PKP2: variants seen among roughly 807,000 people sequenced by gnomAD.
PKP2 encodes the protein plakophilin-2.
A neutral mutation model predicts 83.4 loss-of-function variants in PKP2; 73 were observed. The ratio of observed to expected loss-of-function variants is 0.88; its 90% CI spans 0.72 to 1.06. The LOEUF (loss-of-function observed/expected upper bound fraction) is 1.06. PKP2 is among the 50% of genes least tolerant of loss of function. PKP2 has a pLI of 0.00. For missense variants in PKP2, 966 were observed against 1,065.4 expected, an observed-to-expected ratio of 0.91 and a Z score of 1.30; for synonymous variants, 409 against 430.4, an observed-to-expected ratio of 0.95 and a Z score of 0.62.
At chr12:32,838,481 TA>T (rs11437484) in intron 6 of PKP2, among the ~76,000 whole-genome samples, 7,427 of 147,718 alleles carry the variant, frequency 0.05, 232 homozygotes, top group African/African-American at 0.096. Context: ...AATCGAAAAT[TA>T]AAAAAAAAAA....
chr12:32,846,925 G>A (rs1204119519), intron 5 of PKP2, among the ~76,000 whole-genome samples: 3 of 151,952 alleles, frequency 2.0e-5, no homozygotes, highest in African/African-American at 4.8e-5. Context: ...TTCAAACCTG[G>A]GCTTTGTTCT....
chr12:32,797,271 C>G (rs967075155), intron 10 of PKP2, among the ~76,000 whole-genome samples: 9 of 151,556 alleles, frequency 5.9e-5, no homozygotes, highest in Non-Finnish European at 1.0e-4. Flanking sequence ...GAAACCCTGT[C>G]TCTATTAAAA....
chr12:32,844,589 T>C (rs919917708), intron 5 of PKP2, among the ~76,000 whole-genome samples: 1 of 152,202 alleles, frequency 6.6e-6, no homozygotes, highest in African/African-American at 2.4e-5. Context: ...GAAGGAGATT[T>C]TGGCTCACTG....
intron 4 of PKP2, among the ~76,000 whole-genome samples, chr12:32,862,934 G>A (rs550265743): frequency 2.9e-4 from 44 of 152,324 alleles, no homozygotes; most frequent in African/African-American, 9.9e-4. Context: ...GAAAGGTGGA[G>A]GTTGCAGTGA....
At chr12:32,851,513 G>T (rs2137865044) in intron 4 of PKP2, among the ~76,000 whole-genome samples, 1 of 152,254 alleles carries the variant, frequency 6.6e-6, no homozygotes, top group South Asian at 2.1e-4. Flanking sequence ...CTGTCACCCA[G>T]GCTGGAATGC....
Position 32,850,875 on chromosome 12 carries a change from T to C in PKP2, c.1269A>G (p.Val423=), listed in dbSNP as rs2137862829. ...RAVCGALRNL[V]FEDNDNKLEV... ...CCAATTTGTTGTCATTGTCTTCAAA[T>C]ACTAAGTTTCTCAAGGCCCCACACA... The change falls in exon 5 of 13, where the codon GTA becomes GTG. Residue 423 remains valine (V), a synonymous_variant. Transcript: ENST00000340811. 1 of 1,614,030 alleles carries C rather than the reference T, an allele frequency of 6.2e-7. No homozygotes were observed. Among genetic ancestry groups the C allele is most frequent in the Middle Eastern group, 1.7e-4 (1 of 6,054 alleles).
rs1956119194 is a variant in PKP2, at chr12:32,796,115, C to T, written c.2351G>A (p.Gly784Asp). 3 of 1,613,722 alleles carry T rather than the reference C, an allele frequency of 1.9e-6. No homozygotes were observed. Among genetic ancestry groups the T allele is most frequent in the Non-Finnish European group, 2.5e-6 (3 of 1,179,782 alleles). The change falls in exon 11 of 13, where the codon GGC (glycine) becomes GAC (aspartate). Residue 784 changes from glycine to aspartate, a missense_variant. Transcript: ENST00000340811. Reference sequence around the variant, plus strand: ...GCAGAACTGAAGGACTTACGCATCGCCTGCACTAATGGCCATAATTTTCTG... The same window carrying T: ...GCAGAACTGAAGGACTTACGCATCGTCTGCACTAATGGCCATAATTTTCTG... ...GIQKIMAISA[G>D]DAYASNKASK... is the part of the protein sequence containing the mutation.
Position 32,792,375 on chromosome 12 carries a change from G to C in PKP2, c.*49C>G. ...CTTGGGCTGGGTAGTAGAAAAATAG[G>C]TGTTTTCCTTTGGGGATTTTTGCAG... On this transcript the variant is annotated 3_prime_UTR_variant, in exon 13 of 13. Coordinates refer to ENST00000340811, the MANE Select transcript of PKP2 (RefSeq NM_001005242.3). The C allele has an allele frequency of 7.5e-7, 1 of 1,329,894 alleles. No homozygotes were observed. Among genetic ancestry groups the C allele is most frequent in the Non-Finnish European group, 1.1e-6 (1 of 920,652 alleles). 82.4% of individuals were successfully genotyped at this position (1,329,894 alleles called of 1,614,324 possible).
rs757273590 is a variant in PKP2, at chr12:32,896,609, C to T, written c.123G>A (p.Ala41=). 5 of 1,585,186 alleles carry T rather than the reference C, an allele frequency of 3.2e-6. No individual in the cohort carries two copies. The highest frequency in any genetic ancestry group is 1.7e-5 in the Admixed American group (1 of 58,642). Residue 41 remains alanine, a synonymous_variant, in exon 1 of 13, where the codon GCG becomes GCA. Transcript: ENST00000340811. ...ALPSEAKLKL[A]GSSGRGGQTV... The stretch of plus-strand genomic sequence containing the variant: ...TCTGGCCGCCGCGGCCGCTGCTCCC[C>T]GCCAGCTTCAGCTTGGCCTCGGAGG...
chr12:32,850,828 A>C lies in PKP2; in HGVS notation c.1316T>G (p.Val439Gly), dbSNP rs778982154. The C allele has an allele frequency of 3.1e-6, 5 of 1,613,646 alleles. No homozygotes were observed. The highest frequency in any genetic ancestry group is 4.2e-6 in the Non-Finnish European group (5 of 1,179,848). ...CTTCAGCACCTGGAGCAGCCGAGGTACCCCATTTAGTTCAGCCACCTCCAA... is the reference window on the plus strand; with the variant it reads ...CTTCAGCACCTGGAGCAGCCGAGGTCCCCCATTTAGTTCAGCCACCTCCAA... ...NKLEVAELNGVPRLLQVLKQT... is the reference protein window; with the variant it reads ...NKLEVAELNGGPRLLQVLKQT... Residue 439 changes from valine (V) to glycine (G), a missense_variant, in exon 5 of 13, where the codon GTA becomes GGA. Val to Gly is a moderately radical substitution (Grantham distance 109). Coordinates refer to ENST00000340811, the MANE Select transcript of PKP2 (RefSeq NM_001005242.3).
At position 32,811,363 on chromosome 12, in the gene PKP2, T is replaced by C. The variant is rs542587799; in HGVS notation, c.2014-8807A>G. On this transcript the variant is annotated intron_variant, in intron 9 of 12. Transcript: ENST00000340811. ...TGAGGCAATGATGCCAAAACAGTGATGTTTCATCAGCATTATAGACTTGTT... is the reference window on the plus strand; with the variant it reads ...TGAGGCAATGATGCCAAAACAGTGACGTTTCATCAGCATTATAGACTTGTT... 2.0e-4 allele frequency among the ~76,000 whole-genome samples: 30 copies of C among 152,352 alleles called. No individual in the cohort carries two copies. In the East Asian group the frequency reaches 5.8e-3, roughly 29 times the overall value.
At chr12:32,806,988 G>A (rs1956231556) in intron 9 of PKP2, among the ~76,000 whole-genome samples, 1 of 152,150 alleles carries the variant, frequency 6.6e-6, no homozygotes, top group Non-Finnish European at 1.5e-5. Context: ...GGAGCAGGCT[G>A]TTCAATTTCT....
chr12:32,833,156 T>C (rs1956515265), intron 6 of PKP2, among the ~76,000 whole-genome samples: 1 of 152,086 alleles, frequency 6.6e-6, no homozygotes, highest in Non-Finnish European at 1.5e-5. Context: ...GACAGGAGAA[T>C]TGCTTGAACC....
chr12:32,826,119 T>C (rs989799703), intron 6 of PKP2, among the ~76,000 whole-genome samples: 9 of 151,770 alleles, frequency 5.9e-5, no homozygotes, highest in African/African-American at 1.7e-4. Context: ...CTGGCTAACA[T>C]GGTGAAAACC....
chr12:32,859,091 C>T (rs957712286), intron 4 of PKP2, among the ~76,000 whole-genome samples: 2 of 152,038 alleles, frequency 1.3e-5, no homozygotes, highest in African/African-American at 2.4e-5. Flanking sequence ...GGTTTGCTTC[C>T]CAGGGTATTT....
intron 1 of PKP2, among the ~76,000 whole-genome samples, chr12:32,890,439 C>T (rs574607959): frequency 1.9e-4 from 29 of 152,186 alleles, no homozygotes; most frequent in African/African-American, 7.0e-4. Flanking sequence ...CTTAGGTTAA[C>T]GAATGTTATT....
intron 7 of PKP2, among the ~76,000 whole-genome samples, chr12:32,823,232 G>T (rs1486882148): frequency 1.3e-5 from 2 of 152,170 alleles, no homozygotes; most frequent in South Asian, 2.1e-4. Context: ...TGGCCAACAT[G>T]GCAAAACCCT....
intron 12 of PKP2, 21 bp downstream of exon 12, chr12:32,792,623 A>G (rs763463966): frequency 1.2e-6 from 2 of 1,605,064 alleles, no homozygotes; most frequent in Non-Finnish European, 1.7e-6. Flanking sequence ...ACTATGACAC[A>G]TTCCTTGTTC....
chr12:32,861,927 T>G (rs748709010), intron 4 of PKP2, among the ~76,000 whole-genome samples: 13 of 152,156 alleles, frequency 8.5e-5, no homozygotes, highest in Non-Finnish European at 1.5e-4. Flanking sequence ...AGAGAGAGTC[T>G]CACTCTGTTG....
Sources: allele counts gnomAD v4.1 joint callset (sites outside exome capture counted in the v4.1 genomes callset), GRCh38; gene constraint gnomAD v4.1.1; transcripts MANE v1.5; gene names NCBI Gene and HGNC (gene_info 2026-07-23, HGNC 2026-07-21).